TBL1XR1: variants seen among roughly 807,000 people sequenced by gnomAD.
TBL1XR1 encodes F-box-like/WD repeat-containing protein TBL1XR1.
A neutral mutation model predicts 66.9 loss-of-function variants in TBL1XR1; 5 were observed. That is an observed-to-expected ratio of 0.07 (90% confidence interval 0.04 to 0.16). The LOEUF (loss-of-function observed/expected upper bound fraction) is 0.16, where lower values mean the gene tolerates loss of function less well. Ranked by LOEUF, TBL1XR1 falls within the 10% of genes least tolerant of loss-of-function variation. TBL1XR1 has a pLI of 1.00. For missense variants in TBL1XR1, 238 were observed against 623.2 expected, an observed-to-expected ratio of 0.38 and a Z score of 6.58; for synonymous variants, 210 against 206.0, an observed-to-expected ratio of 1.02 and a Z score of -0.17.
intron 1 of TBL1XR1, among the ~76,000 whole-genome samples, chr3:177,186,499 CATATG>C (rs1735426633): frequency 6.6e-6 from 1 of 152,150 alleles, no homozygotes; most frequent in Non-Finnish European, 1.5e-5. Flanking sequence ...GAGTTAATGA[CATATG>C]ATAGCCACTA....
chr3:177,079,470 G>A (rs1471603964), intron 2 of TBL1XR1: 1 of 150,974 alleles, frequency 6.6e-6, no homozygotes, highest in African/African-American at 2.4e-5. Context: ...TATTATAGCT[G>A]CTTAGATCTT....
intron 1 of TBL1XR1, among the ~76,000 whole-genome samples, chr3:177,164,653 C>A (rs1041091114): frequency 6.6e-6 from 1 of 151,978 alleles, no homozygotes; most frequent in Admixed American, 6.6e-5. Flanking sequence ...CAGCCTACTT[C>A]TAAATTTTTG....
chr3:177,058,710 GATT>G (rs1718125460), intron 3 of TBL1XR1, among the ~76,000 whole-genome samples: 1 of 152,144 alleles, frequency 6.6e-6, no homozygotes, highest in Non-Finnish European at 1.5e-5. Flanking sequence ...TTTCCAAAAA[GATT>G]ATTAATAATG....
intron 1 of TBL1XR1, among the ~76,000 whole-genome samples, chr3:177,176,080 T>C (rs1734114023): frequency 6.6e-6 from 1 of 150,720 alleles, no homozygotes; most frequent in Non-Finnish European, 1.5e-5. Context: ...AAAAATTAAT[T>C]AAAATAAACA....
intron 1 of TBL1XR1, among the ~76,000 whole-genome samples, chr3:177,192,131 C>T (rs1180612189): frequency 6.6e-6 from 1 of 150,472 alleles, no homozygotes; most frequent in Admixed American, 6.6e-5. Flanking sequence ...GGCGCGGTGG[C>T]TCACGCCTGT....
At chr3:177,110,644 GAATA>G (rs1175676965) in intron 1 of TBL1XR1, among the ~76,000 whole-genome samples, 6 of 152,086 alleles carry the variant, frequency 3.9e-5, no homozygotes, top group African/African-American at 1.4e-4. Context: ...AAATGCACAG[GAATA>G]AATGACAGTA....
chr3:177,083,862 G>T (rs1721766782), intron 2 of TBL1XR1, among the ~76,000 whole-genome samples: 1 of 151,862 alleles, frequency 6.6e-6, no homozygotes, highest in Admixed American at 6.6e-5. Flanking sequence ...AGCTGAGGCG[G>T]GTGGATCACG....
chr3:177,188,198 G>A (rs1329796352), intron 1 of TBL1XR1, among the ~76,000 whole-genome samples: 3 of 151,816 alleles, frequency 2.0e-5, no homozygotes, highest in African/African-American at 7.3e-5. Flanking sequence ...CCAAAGTGCT[G>A]GGATTACAGG....
intron 2 of TBL1XR1, among the ~76,000 whole-genome samples, chr3:177,066,004 A>C (rs1719112599): frequency 6.6e-6 from 1 of 152,220 alleles, no homozygotes; most frequent in Non-Finnish European, 1.5e-5. Context: ...TATAAAAGGA[A>C]AGCGAGCTAG....
intron 1 of TBL1XR1, among the ~76,000 whole-genome samples, chr3:177,182,200 A>C (rs1734908118): frequency 6.6e-6 from 1 of 152,080 alleles, no homozygotes; most frequent in Non-Finnish European, 1.5e-5. Flanking sequence ...CAGCCTGGGC[A>C]ACATAGTGAG....
intron 1 of TBL1XR1, among the ~76,000 whole-genome samples, chr3:177,126,622 C>T (rs893463341): frequency 1.3e-5 from 2 of 152,146 alleles, no homozygotes; most frequent in East Asian, 1.9e-4. Flanking sequence ...ATACTGCCAA[C>T]TTGTATTACT....
chr3:177,047,476 C>T lies in TBL1XR1; in HGVS notation c.766+10G>A, dbSNP rs139730300. 5.6e-6 allele frequency: 9 copies of T among 1,611,820 alleles called. No individual in the cohort carries two copies. Among genetic ancestry groups the T allele is most frequent in the African/African-American group, 1.3e-5 (1 of 74,938 alleles). ...CAACAACAAAGTAAAAAGGAAAATG[C>T]TTCATTTACCATCTTTAGTCCATAT... On this transcript the variant is annotated intron_variant, in intron 8 of 15. Transcript: ENST00000457928.
At chr3:177,083,847 T>C (rs994849057) in intron 2 of TBL1XR1, among the ~76,000 whole-genome samples, 4 of 151,976 alleles carry the variant, frequency 2.6e-5, no homozygotes, top group African/African-American at 9.7e-5. Context: ...CCCAGCACTC[T>C]GGGAAGCTGA....
intron 1 of TBL1XR1, among the ~76,000 whole-genome samples, chr3:177,101,284 T>C (rs1398788084): frequency 1.3e-5 from 2 of 150,458 alleles, no homozygotes; most frequent in African/African-American, 2.5e-5. Flanking sequence ...TGGTTTTAGA[T>C]GCAATTTTTT....
intron 1 of TBL1XR1, among the ~76,000 whole-genome samples, chr3:177,176,615 C>G (rs1043417042): frequency 2.0e-5 from 3 of 151,518 alleles, no homozygotes; most frequent in African/African-American, 7.3e-5. Flanking sequence ...GAGTTCGAGA[C>G]CAGCCCGGCC....
At chr3:177,168,162 T>C (rs976230233) in intron 1 of TBL1XR1, among the ~76,000 whole-genome samples, 2 of 152,142 alleles carry the variant, frequency 1.3e-5, no homozygotes, top group Admixed American at 6.6e-5. Flanking sequence ...ACAGGTAAAT[T>C]AAAAATAACT....
chr3:177,102,435 C>G (rs1724339192), intron 1 of TBL1XR1, among the ~76,000 whole-genome samples: 1 of 152,118 alleles, frequency 6.6e-6, no homozygotes, highest in Non-Finnish European at 1.5e-5. Context: ...TTACCTATGT[C>G]CTAGCCATCA....
In TBL1XR1 at chr3:177,074,137, C is replaced by A. The variant is rs138792944; in HGVS notation, c.-45-9115G>T. Among the ~76,000 whole-genome samples the A allele has an allele frequency of 3.0e-3, 454 of 152,218 alleles. 9 individuals are homozygous for A. The highest frequency in any genetic ancestry group is 0.028 in the Admixed American group (423 of 15,288). On this transcript the variant is annotated intron_variant, in intron 2 of 15. Transcript: ENST00000457928. Reference sequence around the variant, plus strand: ...GCAAAAAATCTGAAATTCTTTATAGCCAGATTTCCAAGTTATACCTGGTAC... The same window carrying A: ...GCAAAAAATCTGAAATTCTTTATAGACAGATTTCCAAGTTATACCTGGTAC...
chr3:177,040,611 A>C (rs950946829), intron 10 of TBL1XR1, among the ~76,000 whole-genome samples: 29 of 152,192 alleles, frequency 1.9e-4, no homozygotes, highest in African/African-American at 6.0e-4. Flanking sequence ...CTCAGAAAGG[A>C]AATTTTAATC....
Sources: gnomAD v4.1 joint callset for allele counts (sites outside exome capture counted in the v4.1 genomes callset) on GRCh38, gnomAD v4.1.1 for gene constraint, MANE v1.5 for transcripts, NCBI Gene and HGNC (gene_info 2026-07-23, HGNC 2026-07-21) for gene names.